The following CFAP46 variants were observed in gnomAD, a reference collection of about 807,000 sequenced individuals.
CFAP46 encodes the protein cilia and flagella associated protein 46.
In CFAP46, 245 loss-of-function variants were observed where a neutral mutation model predicts 325.7. The ratio of observed to expected loss-of-function variants is 0.75; its 90% CI spans 0.68 to 0.84. The LOEUF is 0.84. Among genes scored for constraint, CFAP46 ranks in the 40% least tolerant of loss-of-function variants. The probability of loss-of-function intolerance (pLI) is 0.00; values close to 1 mark genes in which losing one functional copy is unlikely to be tolerated. For synonymous variants in CFAP46, 1,523 were observed against 1,495.9 expected (o/e 1.02, Z -0.42); for missense variants, 3,346 against 3,543.0 (o/e 0.94, Z 1.41).
At chr10:132,885,444 C>T (rs1217537426) in intron 26 of CFAP46, among the ~76,000 whole-genome samples, 158 bp from the exon 27 acceptor site, 3 of 146,912 alleles carry the variant, frequency 2.0e-5, no homozygotes, top group South Asian at 4.6e-4. Flanking sequence ...GCGGGGGTCT[C>T]GGGGGTGAGC....
chr10:132,923,346 G>A (rs1319591330), intron 11 of CFAP46, among the ~76,000 whole-genome samples: 1 of 124,804 alleles, frequency 8.0e-6, no homozygotes. Flanking sequence ...CCCTGGCCTC[G>A]AGCAGCCATG....
intron 25 of CFAP46, among the ~76,000 whole-genome samples, chr10:132,888,392 ACCCCTGCCGCCTGCACCCCTGCCG>A (rs1564791177): frequency 2.1e-5 from 1 of 47,124 alleles, no homozygotes; most frequent in African/African-American, 1.5e-4. Context: ...TGCCGCCTGC[ACCCCTGCCGCCTGCACCCCTGCCG>A]CCTTCACCCC....
Position 132,847,091 on chromosome 10 carries a change from C to G in CFAP46, c.6108G>C (p.Gln2036His). ...CCTCTGACGCCTGAGCCAGGTACTG[C>G]TGGGCCAGAACCATCCTCCTCTGTG... ...EDLKRRMVLA[Q>H]QYLAQASEVL... The change falls in exon 43 of 58, where the codon CAG (glutamine) becomes CAC (histidine). Residue 2036 changes from glutamine to histidine, a missense_variant. Transcript: ENST00000368586. The surrounding 1 kb of genome is among the most constrained non-coding windows in gnomAD (Gnocchi z 5.2). 1 of 1,611,528 alleles carries G rather than the reference C, an allele frequency of 6.2e-7. No individual in the cohort carries two copies. Among genetic ancestry groups the G allele is most frequent in the Non-Finnish European group, 8.5e-7 (1 of 1,179,438 alleles).
At chr10:132,814,047 A>T (rs1847638087) in intron 54 of CFAP46, 105 bp downstream of exon 54, 1 of 793,280 alleles carries the variant, frequency 1.3e-6, no homozygotes, top group African/African-American at 1.7e-5. Context: ...ATGTGGCAGG[A>T]CTGGCAGGGC....
intron 41 of CFAP46, among the ~76,000 whole-genome samples, chr10:132,848,136 C>A (rs1258391619): frequency 6.6e-6 from 1 of 152,160 alleles, no homozygotes; most frequent in Non-Finnish European, 1.5e-5. Flanking sequence ...CGAGACCACT[C>A]GGTGTGTTTT....
chr10:132,857,064 G>A (rs1013820861), intron 39 of CFAP46, among the ~76,000 whole-genome samples: 21 of 152,224 alleles, frequency 1.4e-4, no homozygotes, highest in African/African-American at 5.1e-4. Context: ...GGGATCATGA[G>A]GTTTTCCAAT....
Position 132,817,041 on chromosome 10 carries a change from C to T in CFAP46, c.7118-2127G>A, listed in dbSNP as rs148966907. 2.2e-3 allele frequency among the ~76,000 whole-genome samples: 336 copies of T among 152,314 alleles called. 2 individuals are homozygous for T. Among genetic ancestry groups the T allele is most frequent in the Middle Eastern group, 3.4e-3 (1 of 294 alleles). ...ATTAAGCCAAGATTGTTAATTATGT[C>T]GCCCTGAATCTCTCTCTTTTTGCTC... On this transcript the variant is annotated intron_variant, in intron 50 of 57. Coordinates refer to ENST00000368586, the MANE Select transcript of CFAP46 (RefSeq NM_001200049.3). This position sits in a 1 kb window ranked among gnomAD's most constrained non-coding sequence, Gnocchi z 4.4.
At chr10:132,924,153 C>G (rs1414418079) in intron 11 of CFAP46, among the ~76,000 whole-genome samples, 1 of 152,006 alleles carries the variant, frequency 6.6e-6, no homozygotes, top group East Asian at 1.9e-4. Context: ...GCCCTTGCAC[C>G]TCACCCCCAG....
chr10:132,893,052 G>A (rs1179670405), intron 24 of CFAP46, among the ~76,000 whole-genome samples: 2 of 152,188 alleles, frequency 1.3e-5, no homozygotes, highest in East Asian at 1.9e-4. Context: ...GTAGCTTCCC[G>A]ATAAGATCTC....
At chr10:132,914,019 T>G (rs866634023) in intron 17 of CFAP46, among the ~76,000 whole-genome samples, 1 of 151,974 alleles carries the variant, frequency 6.6e-6, no homozygotes. Context: ...TGCAAACCTC[T>G]GGCCCCCGCC....
chr10:132,848,156 G>A (rs1268944217), intron 41 of CFAP46, among the ~76,000 whole-genome samples: 3 of 152,106 alleles, frequency 2.0e-5, no homozygotes, highest in African/African-American at 7.2e-5. Flanking sequence ...TCAACCACCA[G>A]GACATTAAAC....
In CFAP46 at chr10:132,850,576, G is replaced by T. The variant is rs150472433; in HGVS notation, c.5764-144C>A. ...GAGAAAGCCTTGCCCCGCAGGGAGG[G>T]TCTCCAGGGCTCTGGTGTGGGGGTC... On this transcript the variant is annotated intron_variant, in intron 40 of 57. Transcript: ENST00000368586. The T allele has an allele frequency of 2.1e-4, 159 of 760,868 alleles. No individual in the cohort carries two copies. In the African/African-American group the frequency reaches 2.5e-3, roughly 12 times the overall value. 47.1% of individuals were successfully genotyped at this position (760,868 alleles called of 1,614,324 possible).
chr10:132,812,470 G>A (rs1847600598), intron 55 of CFAP46, among the ~76,000 whole-genome samples: 1 of 152,198 alleles, frequency 6.6e-6, no homozygotes, highest in African/African-American at 2.4e-5. Flanking sequence ...TGGGCTCCTG[G>A]GCCCAGCACT....
intron 13 of CFAP46, among the ~76,000 whole-genome samples, chr10:132,920,479 C>T (rs1849706565): frequency 6.6e-6 from 1 of 152,198 alleles, no homozygotes; most frequent in African/African-American, 2.4e-5. Context: ...GCTGCGCTGT[C>T]CAGCTGCCCT....
rs71013581 is a variant in CFAP46, at chr10:132,905,450, C to CTTTTTT, written c.2924+3012_2924+3017dup. On this transcript the variant is annotated intron_variant, in intron 22 of 57. Coordinates refer to ENST00000368586, the MANE Select transcript of CFAP46 (RefSeq NM_001200049.3). ...ATTTCTAGCATCCCACATATCTTTCCTTTTTTTTTTTTTTTTTGGTTTACT... is the reference window on the plus strand; with the variant it reads ...ATTTCTAGCATCCCACATATCTTTCCTTTTTTTTTTTTTTTTTTTTTTTGGTTTACT... Among the ~76,000 whole-genome samples the CTTTTTT allele has an allele frequency of 6.2e-5, 8 of 130,066 alleles. 1 individual carries two copies. Among genetic ancestry groups the CTTTTTT allele is most frequent in the African/African-American group, 2.3e-4 (8 of 34,270 alleles). 85.3% of individuals were successfully genotyped at this position (130,066 alleles called of 152,430 possible).
chr10:132,898,091 T>C (rs1215764207), intron 24 of CFAP46, among the ~76,000 whole-genome samples: 1 of 152,208 alleles, frequency 6.6e-6, no homozygotes, highest in Non-Finnish European at 1.5e-5. Context: ...TCCTGATTCC[T>C]GGTTACAGCT....
intron 22 of CFAP46, among the ~76,000 whole-genome samples, chr10:132,902,345 T>C (rs1398952550): frequency 3.3e-5 from 5 of 152,226 alleles, no homozygotes; most frequent in Admixed American, 3.3e-4. Flanking sequence ...TTTTTCTCCC[T>C]GTGCTTCGGT....
At chr10:132,862,078 C>G (rs766224680) in intron 35 of CFAP46, among the ~76,000 whole-genome samples, 7 of 152,246 alleles carry the variant, frequency 4.6e-5, no homozygotes, top group Non-Finnish European at 8.8e-5. Context: ...CGCCAGACGG[C>G]GTAGGCAGGG....
chr10:132,909,389 G>T (rs1591084869), intron 20 of CFAP46, 145 bp from the exon 21 acceptor site: 5 of 642,894 alleles, frequency 7.8e-6, no homozygotes, highest in South Asian at 5.5e-5. Context: ...GGCTGTTTTT[G>T]TAACTGTTGA....
Sources: gnomAD v4.1 joint callset for allele counts (sites outside exome capture counted in the v4.1 genomes callset) on GRCh38, gnomAD v4.1.1 for gene constraint, Gnocchi (gnomAD v3.1) non-coding constraint, MANE v1.5 for transcripts, NCBI Gene and HGNC (gene_info 2026-07-23, HGNC 2026-07-21) for gene names.